Variants in HS6ST3 observed in about 807,000 individuals in gnomAD.
The protein encoded by HS6ST3 is heparan-sulfate 6-O-sulfotransferase 3.
Under a neutral mutation model 36.7 loss-of-function variants are expected in HS6ST3, and 12 were observed. That is an observed-to-expected ratio of 0.33 (90% CI 0.21 to 0.53). The LOEUF is 0.53. HS6ST3 is among the 20% of genes least tolerant of loss of function. The probability of loss-of-function intolerance (pLI) is 0.95; values close to 1 mark genes in which losing one functional copy is unlikely to be tolerated. For missense variants in HS6ST3, 584 were observed against 640.9 expected (o/e 0.91, Z 0.96); for synonymous variants, 240 against 257.5 (o/e 0.93, Z 0.65).
intron 1 of HS6ST3, among the ~76,000 whole-genome samples, chr13:96,337,197 G>A (rs1391516191): frequency 1.3e-5 from 2 of 152,008 alleles, no homozygotes; most frequent in Non-Finnish European, 1.5e-5. Context: ...TCCCAATTTA[G>A]CTGTGACTAT....
chr13:96,754,747 G>A (rs888488269), intron 1 of HS6ST3, among the ~76,000 whole-genome samples: 9 of 152,082 alleles, frequency 5.9e-5, no homozygotes, highest in Admixed American at 5.9e-4. Context: ...TAGAAGATCT[G>A]TGCATTCTTT....
intron 1 of HS6ST3, among the ~76,000 whole-genome samples, chr13:96,184,215 A>AT (rs2054254174): frequency 1.5e-5 from 1 of 68,000 alleles, no homozygotes; most frequent in Non-Finnish European, 3.0e-5. Context: ...AAAAAAAAAA[A>AT]AAAAAAAGAG....
chr13:96,405,274 T>C (rs1002795439), intron 1 of HS6ST3, among the ~76,000 whole-genome samples: 1 of 152,228 alleles, frequency 6.6e-6, no homozygotes, highest in Non-Finnish European at 1.5e-5. Context: ...TTTGTACAAA[T>C]ATTTGAGAAC....
rs992810495 is a variant in HS6ST3, at chr13:96,744,483, G to A, written c.708-88007G>A. Among the ~76,000 whole-genome samples the A allele has an allele frequency of 2.6e-5, 4 of 152,002 alleles. No homozygotes were observed. In the East Asian group the frequency reaches 7.7e-4, roughly 29 times the overall value. ...ACTAACACGATATTAATGGCTGAAC[G>A]AACAGGCTTTCCATTTGCACTTGCA... On this transcript the variant is annotated intron_variant, in intron 1 of 1. Coordinates refer to ENST00000376705, the MANE Select transcript of HS6ST3 (RefSeq NM_153456.4).
At chr13:96,784,715 G>A (rs187517213) in intron 1 of HS6ST3, among the ~76,000 whole-genome samples, 2 of 152,262 alleles carry the variant, frequency 1.3e-5, no homozygotes, top group Middle Eastern at 3.4e-3. Context: ...TCAACTCACT[G>A]TATTAGTTAG....
At chr13:96,332,063 T>G (rs1421292551) in intron 1 of HS6ST3, among the ~76,000 whole-genome samples, 1 of 152,206 alleles carries the variant, frequency 6.6e-6, no homozygotes, top group Non-Finnish European at 1.5e-5. Context: ...ACGCACCCAC[T>G]GACCTGCGCC....
At chr13:96,660,074 T>A (rs1308479633) in intron 1 of HS6ST3, among the ~76,000 whole-genome samples, 1 of 152,094 alleles carries the variant, frequency 6.6e-6, no homozygotes, top group Non-Finnish European at 1.5e-5. Context: ...GTATACTGAA[T>A]CATAATGCAC....
chr13:96,166,054 T>G (rs2139331533), intron 1 of HS6ST3, among the ~76,000 whole-genome samples: 1 of 149,990 alleles, frequency 6.7e-6, no homozygotes, highest in East Asian at 1.9e-4. Flanking sequence ...ATTTATTTAT[T>G]TATTTATTTA....
At chr13:96,441,690 A>G (rs1229724401) in intron 1 of HS6ST3, among the ~76,000 whole-genome samples, 2 of 152,232 alleles carry the variant, frequency 1.3e-5, no homozygotes, top group Non-Finnish European at 2.9e-5. Context: ...ATGATGCTGT[A>G]AAAGTGAATA....
chr13:96,285,161 C>T (rs149043460), intron 1 of HS6ST3, among the ~76,000 whole-genome samples: 4 of 152,064 alleles, frequency 2.6e-5, no homozygotes, highest in East Asian at 3.9e-4. Flanking sequence ...AACAGGAGGC[C>T]GTGTGACAGA....
chr13:96,284,627 C>T (rs896817970), intron 1 of HS6ST3, among the ~76,000 whole-genome samples: 5 of 152,160 alleles, frequency 3.3e-5, no homozygotes, highest in African/African-American at 1.2e-4. Flanking sequence ...TTTGGCAACA[C>T]CTCACAGACA....
At chr13:96,719,043 G>C (rs745635995) in intron 1 of HS6ST3, among the ~76,000 whole-genome samples, 7 of 152,168 alleles carry the variant, frequency 4.6e-5, no homozygotes, top group Admixed American at 1.3e-4. Flanking sequence ...GGGAGGCCAA[G>C]ACAGGCAGAT....
chr13:96,813,323 G>A (rs767551807), intron 1 of HS6ST3, among the ~76,000 whole-genome samples: 1 of 152,118 alleles, frequency 6.6e-6, no homozygotes, highest in Admixed American at 6.5e-5. Context: ...CTGAATGGAA[G>A]GGTATCAAAG....
rs1443662978 is a variant in HS6ST3, at chr13:96,137,511, G to A, written c.707+45942G>A. ...TACAGTGGTGCGATCTTAGCTCACT[G>A]CAACCTCTGCCTCCCGGGTTCAAGC... On this transcript the variant is annotated intron_variant, in intron 1 of 1. Transcript: ENST00000376705. Among the ~76,000 whole-genome samples, 3 of 148,592 alleles carry A rather than the reference G, an allele frequency of 2.0e-5. No homozygotes were observed. The East Asian group carries it at 6.0e-4, about 30-fold the overall frequency.
intron 1 of HS6ST3, among the ~76,000 whole-genome samples, chr13:96,469,272 G>A (rs182778996): frequency 5.9e-4 from 90 of 151,502 alleles, no homozygotes; most frequent in Middle Eastern, 6.8e-3. Context: ...AGTTTTCTCC[G>A]TCATTGGCTT....
At chr13:96,145,608 T>G (rs1398743818) in intron 1 of HS6ST3, among the ~76,000 whole-genome samples, 6 of 152,032 alleles carry the variant, frequency 3.9e-5, no homozygotes, top group Non-Finnish European at 7.4e-5. Flanking sequence ...TAGGTTGCCT[T>G]TTCACTCTGA....
At chr13:96,738,983 T>C (rs1317373900) in intron 1 of HS6ST3, among the ~76,000 whole-genome samples, 1 of 152,216 alleles carries the variant, frequency 6.6e-6, no homozygotes, top group Non-Finnish European at 1.5e-5. Context: ...CTCGTCAATA[T>C]AACCAATGAC....
rs149023264 is a variant in HS6ST3 at position 96,703,945 on chromosome 13, G to A, written c.708-128545G>A. Among the ~76,000 whole-genome samples the A allele has an allele frequency of 4.6e-3, 699 of 152,274 alleles. 6 individuals are homozygous for A. Among genetic ancestry groups the A allele is most frequent in the African/African-American group, 0.016 (647 of 41,538 alleles). On this transcript the variant is annotated intron_variant, in intron 1 of 1. Transcript: ENST00000376705. ...TCTCCCCACCCCCACAAGCTGCCAT[G>A]TAAGACATGCCTTGCTTCCCCTTTG... is the stretch of plus-strand genomic sequence containing the variant.
intron 1 of HS6ST3, among the ~76,000 whole-genome samples, chr13:96,553,996 G>A (rs1454389619): frequency 1.3e-5 from 2 of 152,176 alleles, no homozygotes; most frequent in Non-Finnish European, 1.5e-5. Context: ...GTGCGTGCAT[G>A]TGTGTGCGCG....
Sources: allele counts gnomAD v4.1 joint callset (sites outside exome capture counted in the v4.1 genomes callset), GRCh38; gene constraint gnomAD v4.1.1; transcripts MANE v1.5; gene names NCBI Gene and HGNC (gene_info 2026-07-23, HGNC 2026-07-21).